The following TBC1D5 variants were observed in gnomAD, a reference collection of about 807,000 sequenced individuals.
The protein encoded by TBC1D5 is TBC1 domain family, member 5.
A neutral mutation model predicts 100.3 loss-of-function variants in TBC1D5; 75 were observed. That is an observed-to-expected ratio of 0.75 (90% CI 0.62 to 0.91). TBC1D5 has a LOEUF of 0.91. Ranked by LOEUF, TBC1D5 falls within the 40% of genes least tolerant of loss-of-function variation. The pLI is 0.00. For synonymous variants in TBC1D5, 323 were observed against 325.6 expected (o/e 0.99, Z 0.09); for missense variants, 910 against 942.4 (o/e 0.97, Z 0.45).
intron 19 of TBC1D5, among the ~76,000 whole-genome samples, chr3:17,183,398 A>C (rs1419642353): frequency 6.6e-6 from 1 of 152,210 alleles, no homozygotes; most frequent in African/African-American, 2.4e-5. Context: ...ACTCTTGTTA[A>C]TTGGACTCTG....
chr3:17,401,601 C>A (rs1653353439), intron 8 of TBC1D5, among the ~76,000 whole-genome samples: 1 of 151,942 alleles, frequency 6.6e-6, no homozygotes, highest in Non-Finnish European at 1.5e-5. Context: ...TTTGCTATTT[C>A]TTTAAGTCAA....
chr3:17,423,182 T>C (rs1452190286), intron 4 of TBC1D5, among the ~76,000 whole-genome samples: 1 of 151,994 alleles, frequency 6.6e-6, no homozygotes, highest in East Asian at 1.9e-4. Context: ...TGTCTCTCCT[T>C]AAAAGGAAAA....
rs574931097 is a variant in TBC1D5, at chr3:17,461,089, T to A, written c.98-32570A>T. Among the ~76,000 whole-genome samples the A allele has an allele frequency of 3.3e-5, 5 of 152,268 alleles. No individual in the cohort carries two copies. In the South Asian group the frequency reaches 1.0e-3, roughly 32 times the overall value. On this transcript the variant is annotated intron_variant, in intron 3 of 21. Coordinates refer to ENST00000253692, the Ensembl canonical transcript of TBC1D5. ...AATTATTAAAATGTTAACTTGCAAA[T>A]AAAGCACAGAAAATAACATCCTACT...
At chr3:17,402,357 C>T (rs189362258) in intron 8 of TBC1D5, among the ~76,000 whole-genome samples, 152 of 152,162 alleles carry the variant, frequency 1.0e-3, no homozygotes, top group Middle Eastern at 3.4e-3. Context: ...GAGATACTCA[C>T]GATTCTGCAC....
chr3:17,533,265 A>G (rs1464389553), intron 2 of TBC1D5, among the ~76,000 whole-genome samples: 1 of 152,190 alleles, frequency 6.6e-6, no homozygotes, highest in Non-Finnish European at 1.5e-5. Flanking sequence ...TGACCATTTA[A>G]TGCCAATATA....
intron 18 of TBC1D5, among the ~76,000 whole-genome samples, chr3:17,188,896 T>C (rs1284669628): frequency 1.3e-5 from 2 of 152,274 alleles, no homozygotes; most frequent in Non-Finnish European, 2.9e-5. Flanking sequence ...TAGTGTTAAT[T>C]GTTATGTGTA....
At chr3:17,705,548 G>A (rs2074013239) in intron 1 of TBC1D5, among the ~76,000 whole-genome samples, 1 of 145,834 alleles carries the variant, frequency 6.9e-6, no homozygotes, top group Admixed American at 6.7e-5. Context: ...GCCGGGCAGA[G>A]ACGCTCCTCA....
chr3:17,610,095 A>C (rs1474439729), intron 2 of TBC1D5, among the ~76,000 whole-genome samples: 1 of 152,200 alleles, frequency 6.6e-6, no homozygotes, highest in African/African-American at 2.4e-5. Flanking sequence ...TTCATTTTCC[A>C]ATATCATATC....
At chr3:17,618,860 T>C (rs1482351006) in intron 2 of TBC1D5, among the ~76,000 whole-genome samples, 1 of 152,228 alleles carries the variant, frequency 6.6e-6, no homozygotes. Flanking sequence ...CACTTTCCAG[T>C]TGAGGTGATG....
intron 3 of TBC1D5, among the ~76,000 whole-genome samples, chr3:17,459,182 T>C (rs1209991841): frequency 1.3e-5 from 2 of 152,316 alleles, no homozygotes; most frequent in East Asian, 1.9e-4. Context: ...TCAGTAATAG[T>C]TTCTTATAGA....
At chr3:17,500,758 T>A (rs1025270086) in intron 3 of TBC1D5, among the ~76,000 whole-genome samples, 2 of 149,548 alleles carry the variant, frequency 1.3e-5, no homozygotes, top group Non-Finnish European at 2.9e-5. Context: ...CTATCCAAGT[T>A]CTAATCATGG....
In TBC1D5 at chr3:17,442,028, A is replaced by G. The variant is rs563278743; in HGVS notation, c.98-13509T>C. ...ACCACTTGAGTGCTCTGAAAAGTAAATAACAGGAGGCATATTGGAGAAGAA... is the reference window on the plus strand; with the variant it reads ...ACCACTTGAGTGCTCTGAAAAGTAAGTAACAGGAGGCATATTGGAGAAGAA... On this transcript the variant is annotated intron_variant, in intron 3 of 21. Transcript: ENST00000253692. 4.6e-5 allele frequency among the ~76,000 whole-genome samples: 7 copies of G among 152,350 alleles called. No individual in the cohort carries two copies. In the East Asian group the frequency reaches 1.3e-3, roughly 29 times the overall value.
intron 3 of TBC1D5, among the ~76,000 whole-genome samples, chr3:17,455,530 A>ATATATGTG (rs1553764168): frequency 7.0e-6 from 1 of 143,346 alleles, no homozygotes; most frequent in African/African-American, 2.7e-5. Context: ...ATATATATAT[A>ATATATGTG]TGTGTGTGTG....
intron 18 of TBC1D5, among the ~76,000 whole-genome samples, chr3:17,199,385 T>C (rs2071161722): frequency 6.6e-6 from 1 of 152,242 alleles, no homozygotes; most frequent in African/African-American, 2.4e-5. Flanking sequence ...TTTCCATAAA[T>C]GTTACCATCA....
intron 3 of TBC1D5, among the ~76,000 whole-genome samples, chr3:17,484,844 CAT>C (rs2095542514): frequency 6.6e-6 from 1 of 151,982 alleles, no homozygotes; most frequent in African/African-American, 2.4e-5. Flanking sequence ...TTACAGGGTA[CAT>C]GACAGAATCT....
intron 1 of TBC1D5, among the ~76,000 whole-genome samples, chr3:17,712,523 A>T (rs1415592645): frequency 6.6e-6 from 1 of 152,188 alleles, no homozygotes; most frequent in Non-Finnish European, 1.5e-5. Flanking sequence ...TTACAGAATC[A>T]AACTTGCATC....
chr3:17,694,487 A>AATC (rs1323450632), intron 1 of TBC1D5, among the ~76,000 whole-genome samples: 6 of 152,230 alleles, frequency 3.9e-5, no homozygotes, highest in African/African-American at 1.4e-4. Flanking sequence ...AACTAGAAGA[A>AATC]AGGGTATCAG....
chr3:17,406,374 G>C, intron 5 of TBC1D5, 44 bp downstream of exon 5: 1 of 1,555,484 alleles, frequency 6.4e-7, no homozygotes, highest in Non-Finnish European at 8.8e-7. Context: ...GTAATGTGTT[G>C]ATATATTGCA....
At chr3:17,613,071 T>G (rs1412518483) in intron 2 of TBC1D5, among the ~76,000 whole-genome samples, 1 of 152,142 alleles carries the variant, frequency 6.6e-6, no homozygotes, top group East Asian at 1.9e-4. Flanking sequence ...GTGTGTGATG[T>G]TCCCTTCCCT....
Sources: allele counts gnomAD v4.1 joint callset (sites outside exome capture counted in the v4.1 genomes callset), GRCh38; gene constraint gnomAD v4.1.1; transcripts MANE v1.5; gene names NCBI Gene and HGNC (gene_info 2026-07-23, HGNC 2026-07-21).